The following DLGAP2 variants were observed in gnomAD, a reference collection of about 807,000 sequenced individuals.
The protein encoded by DLGAP2 is DLG associated protein 2.
Under a neutral mutation model 100.3 loss-of-function variants are expected in DLGAP2, and 26 were observed. The observed-to-expected ratio is 0.26, with a 90% CI of 0.19 to 0.36. DLGAP2 has a LOEUF of 0.36. DLGAP2 is among the 10% of genes least tolerant of loss of function. The pLI is 1.00. For missense variants in DLGAP2, 1,858 were observed against 1,453.2 expected (o/e 1.28, Z -4.53); for synonymous variants, 886 against 630.1 (o/e 1.41, Z -6.08).
intron 2 of DLGAP2, among the ~76,000 whole-genome samples, chr8:947,846 C>T (rs1799367610): frequency 6.7e-6 from 1 of 148,584 alleles, no homozygotes; most frequent in South Asian, 2.2e-4. Flanking sequence ...GACCCCGTGC[C>T]AGCCCATGTG....
intron 3 of DLGAP2, among the ~76,000 whole-genome samples, chr8:1,310,946 G>C (rs1395348180): frequency 1.3e-5 from 2 of 151,918 alleles, no homozygotes; most frequent in East Asian, 3.9e-4. Context: ...GAGTAAAAAA[G>C]AGATCATTAA....
At chr8:848,248 G>C (rs1429167179) in intron 1 of DLGAP2, among the ~76,000 whole-genome samples, 2 of 152,218 alleles carry the variant, frequency 1.3e-5, no homozygotes, top group Admixed American at 6.5e-5. Flanking sequence ...ATAAATTGCT[G>C]AGTAGTATTC....
intron 2 of DLGAP2, among the ~76,000 whole-genome samples, chr8:1,217,101 C>A (rs1798229904): frequency 6.6e-6 from 1 of 152,156 alleles, no homozygotes; most frequent in Non-Finnish European, 1.5e-5. Flanking sequence ...TCAACACTCT[C>A]CCTCCTGCCA....
intron 1 of DLGAP2, chr8:891,642 A>T (rs1798037624): frequency 6.6e-6 from 1 of 152,448 alleles, no homozygotes; most frequent in Non-Finnish European, 1.5e-5. Context: ...GGAGTAGAGG[A>T]TGGGTGGTGT....
At chr8:1,341,994 G>C (rs184247216) in intron 3 of DLGAP2, among the ~76,000 whole-genome samples, 1 of 152,004 alleles carries the variant, frequency 6.6e-6, no homozygotes, top group Non-Finnish European at 1.5e-5. Flanking sequence ...TCTGTCACCC[G>C]GGCTGGAGTG....
chr8:1,379,311 C>T (rs1185213839), intron 3 of DLGAP2, among the ~76,000 whole-genome samples: 2 of 152,262 alleles, frequency 1.3e-5, no homozygotes, highest in East Asian at 3.9e-4. Context: ...CAGTGCGAGG[C>T]ATGGGCCTAA....
chr8:1,444,716 A>G (rs1797933533), intron 3 of DLGAP2, among the ~76,000 whole-genome samples: 1 of 139,950 alleles, frequency 7.1e-6, no homozygotes, highest in Admixed American at 7.3e-5. Flanking sequence ...TCCCCTGCTT[A>G]CTCCTGTAGT....
chr8:1,437,266 G>A (rs1215487268), intron 3 of DLGAP2, among the ~76,000 whole-genome samples: 3 of 152,206 alleles, frequency 2.0e-5, no homozygotes, highest in Admixed American at 6.5e-5. Context: ...GACGCCATCC[G>A]GGTCTCCGTT....
chr8:832,870 C>T (rs1376681179), intron 1 of DLGAP2, among the ~76,000 whole-genome samples: 3 of 152,124 alleles, frequency 2.0e-5, no homozygotes, highest in Admixed American at 6.5e-5. Context: ...AGAGATGGCA[C>T]GGGGTGTATG....
intron 5 of DLGAP2, among the ~76,000 whole-genome samples, chr8:1,558,493 A>T (rs541206553): frequency 6.6e-6 from 1 of 152,154 alleles, no homozygotes; most frequent in East Asian, 1.9e-4. Context: ...ACAAACATGC[A>T]CACACATACA....
At chr8:759,936 C>T (rs982469826) in intron 1 of DLGAP2, among the ~76,000 whole-genome samples, 1 of 152,222 alleles carries the variant, frequency 6.6e-6, no homozygotes, top group Non-Finnish European at 1.5e-5. Context: ...CAGCTCCACG[C>T]TTACTTCTCA....
intron 6 of DLGAP2, among the ~76,000 whole-genome samples, chr8:1,620,742 C>T (rs1459256518): frequency 2.0e-5 from 3 of 152,180 alleles, no homozygotes; most frequent in African/African-American, 7.2e-5. Flanking sequence ...GTCCAGGACA[C>T]CACTTCCTGC....
intron 2 of DLGAP2, among the ~76,000 whole-genome samples, chr8:1,011,448 C>G (rs1476086336): frequency 1.3e-5 from 2 of 150,540 alleles, no homozygotes; most frequent in African/African-American, 4.9e-5. Flanking sequence ...TCAGTCTACA[C>G]AGTGAGCCCT....
chr8:1,288,831 A>T (rs991569462), intron 3 of DLGAP2, among the ~76,000 whole-genome samples: 4 of 151,708 alleles, frequency 2.6e-5, no homozygotes, highest in African/African-American at 7.3e-5. Context: ...GTGTGTGTGT[A>T]CATGGTTCTG....
At chr8:793,844 C>T (rs911114856) in intron 1 of DLGAP2, among the ~76,000 whole-genome samples, 1 of 152,232 alleles carries the variant, frequency 6.6e-6, no homozygotes, top group African/African-American at 2.4e-5. Flanking sequence ...CTTCCTTGCA[C>T]TTCCTGTGGC....
chr8:1,091,030 G>T (rs56225188), intron 2 of DLGAP2, among the ~76,000 whole-genome samples: 26,200 of 152,118 alleles, frequency 0.17, 2,340 homozygotes, highest in Admixed American at 0.21. Flanking sequence ...CGTGGTGTTT[G>T]TCAGTCTTCA....
intron 1 of DLGAP2, among the ~76,000 whole-genome samples, chr8:778,119 T>C (rs1006958078): frequency 6.6e-6 from 1 of 152,330 alleles, no homozygotes; most frequent in East Asian, 1.9e-4. Context: ...CTGATACCCT[T>C]TCTTCCAGTT....
intron 4 of DLGAP2, among the ~76,000 whole-genome samples, chr8:1,544,252 T>C (rs144962786): frequency 1.3e-5 from 2 of 152,174 alleles, no homozygotes; most frequent in African/African-American, 4.8e-5. Flanking sequence ...TTCTTTTAGA[T>C]GTTATTTTAA....
intron 6 of DLGAP2, among the ~76,000 whole-genome samples, chr8:1,598,148 T>C (rs1177389672): frequency 6.6e-6 from 1 of 152,214 alleles, no homozygotes; most frequent in East Asian, 1.9e-4. Flanking sequence ...TTGGTTCTGT[T>C]TATGTGATAG....
Sources: allele counts gnomAD v4.1 joint callset (sites outside exome capture counted in the v4.1 genomes callset), GRCh38; gene constraint gnomAD v4.1.1; transcripts MANE v1.5; gene names NCBI Gene and HGNC (gene_info 2026-07-23, HGNC 2026-07-21).